CDK5RAP2: variants seen among roughly 807,000 people sequenced by gnomAD.
CDK5RAP2 encodes the protein CDK5 regulatory subunit associated protein 2.
Under a neutral mutation model 232.9 loss-of-function variants are expected in CDK5RAP2, and 147 were observed. The ratio of observed to expected loss-of-function variants is 0.63; its 90% CI spans 0.55 to 0.72. The LOEUF is 0.72. Among genes scored for constraint, CDK5RAP2 ranks in the 30% least tolerant of loss-of-function variants. The probability of loss-of-function intolerance (pLI) is 0.00; values close to 1 mark genes in which losing one functional copy is unlikely to be tolerated. For synonymous variants in CDK5RAP2, 833 were observed against 833.7 expected, an observed-to-expected ratio of 1.00 and a Z score of 0.01; for missense variants, 2,195 against 2,231.5, an observed-to-expected ratio of 0.98 and a Z score of 0.33.
Position 120,418,743 on chromosome 9 carries a change from C to T in CDK5RAP2, c.4177+1045G>A, listed in dbSNP as rs1338818606. Among the ~76,000 whole-genome samples, 6 of 152,162 alleles carry T rather than the reference C, an allele frequency of 3.9e-5. No individual in the cohort carries two copies. In the South Asian group the frequency reaches 8.3e-4, roughly 21 times the overall value. ...CGCTGCTGGAGGACCCCAGCTGATA[C>T]CTCAGTTACGCCAACAATGTGGACT... On this transcript the variant is annotated intron_variant, in intron 27 of 37. Coordinates refer to ENST00000349780, the MANE Select transcript of CDK5RAP2 (RefSeq NM_018249.6).
chr9:120,425,817 G>A (rs979690974), intron 25 of CDK5RAP2, among the ~76,000 whole-genome samples: 2 of 152,192 alleles, frequency 1.3e-5, no homozygotes, highest in African/African-American at 4.8e-5. Flanking sequence ...TCAGGTTCCT[G>A]TGCCAGACAC....
At chr9:120,417,409 C>T (rs2131356272) in intron 27 of CDK5RAP2, among the ~76,000 whole-genome samples, 2 of 152,386 alleles carry the variant, frequency 1.3e-5, no homozygotes, top group Middle Eastern at 6.8e-3. Context: ...CCTCCTTGCT[C>T]CTGCCTTGGT....
intron 19 of CDK5RAP2, among the ~76,000 whole-genome samples, chr9:120,459,104 CCTT>C (rs1456541360): frequency 1.3e-5 from 2 of 152,186 alleles, no homozygotes; most frequent in African/African-American, 2.4e-5. Flanking sequence ...AATGTATCCT[CCTT>C]ATTATATATC....
In CDK5RAP2 at chr9:120,579,975, T is replaced by C. The variant is rs2043183982; in HGVS notation, c.4A>G (p.Met2Val). Residue 2 changes from methionine (M) to valine (V), a missense_variant, in exon 1 of 38, where the codon ATG (methionine) becomes GTG (valine). By Grantham distance (21) the Met-to-Val change is conservative. Coordinates refer to ENST00000349780, the MANE Select transcript of CDK5RAP2 (RefSeq NM_018249.6). M[M>V]DLVLEEDVTV... ...ACGTCCTCTTCCAACACCAAGTCCATCATGGCTACAGAGGTGGCGACAGCG... is the reference window on the plus strand; with the variant it reads ...ACGTCCTCTTCCAACACCAAGTCCACCATGGCTACAGAGGTGGCGACAGCG... The C allele has an allele frequency of 2.5e-6, 4 of 1,609,922 alleles. No homozygotes were observed. The highest frequency in any genetic ancestry group is 3.4e-6 in the Non-Finnish European group (4 of 1,176,230).
chr9:120,562,901 T>C (rs148143303), intron 3 of CDK5RAP2, among the ~76,000 whole-genome samples: 2 of 152,298 alleles, frequency 1.3e-5, no homozygotes, highest in East Asian at 3.9e-4. Context: ...TTTGGAGCTT[T>C]AGTATTCCAT....
At chr9:120,432,833 G>A (rs567485865) in intron 25 of CDK5RAP2, among the ~76,000 whole-genome samples, 17 of 152,314 alleles carry the variant, frequency 1.1e-4, no homozygotes, top group African/African-American at 4.1e-4. Context: ...CACTTCCTAG[G>A]GCCTAGAGTG....
intron 11 of CDK5RAP2, among the ~76,000 whole-genome samples, chr9:120,518,965 AG>A (rs984699751): frequency 5.3e-5 from 8 of 152,086 alleles, no homozygotes; most frequent in African/African-American, 1.9e-4. Flanking sequence ...TCATGAGGTC[AG>A]GAGTTCAAGA....
At chr9:120,411,276 G>T in intron 29 of CDK5RAP2, 82 bp downstream of exon 29, 2 of 858,852 alleles carry the variant, frequency 2.3e-6, no homozygotes, top group Non-Finnish European at 4.1e-6. Flanking sequence ...ACTTAGGTTG[G>T]TCAGACTCCA....
intron 8 of CDK5RAP2, among the ~76,000 whole-genome samples, chr9:120,529,257 T>G (rs573468148): frequency 2.8e-4 from 42 of 152,342 alleles, no homozygotes; most frequent in Admixed American, 1.1e-3. Flanking sequence ...ACATACGACA[T>G]GCAGCAGCTA....
chr9:120,571,037 T>C (rs371890544), intron 2 of CDK5RAP2, among the ~76,000 whole-genome samples: 14 of 152,210 alleles, frequency 9.2e-5, no homozygotes, highest in African/African-American at 3.4e-4. Flanking sequence ...CACACGCCTG[T>C]AGTCCCAGAT....
At chr9:120,469,608 T>C (rs2037576036) in intron 17 of CDK5RAP2, among the ~76,000 whole-genome samples, 1 of 152,130 alleles carries the variant, frequency 6.6e-6, no homozygotes, top group Non-Finnish European at 1.5e-5. Context: ...ATCTTTCCAG[T>C]TTAAAAAAAG....
Position 120,527,893 on chromosome 9 carries a change from T to G in CDK5RAP2, c.912A>C (p.Arg304Ser). Residue 304 changes from arginine to serine, a missense_variant, in exon 10 of 38, where the codon AGA becomes AGC. Transcript: ENST00000349780. ...ALEEDLREKE[R>S]EIATEKKNSL... ...TATTTTTCTTCTCTGTAGCAATTTC[T>G]CTTTCCTTCTCTCTCAGGTCCTCTT... 6.2e-7 allele frequency: 1 copy of G among 1,613,956 alleles called. No homozygotes were observed. Among genetic ancestry groups the G allele is most frequent in the African/African-American group, 1.3e-5 (1 of 75,074 alleles).
intron 14 of CDK5RAP2, among the ~76,000 whole-genome samples, chr9:120,481,803 G>A (rs1271487465): frequency 6.6e-6 from 1 of 152,104 alleles, no homozygotes; most frequent in African/African-American, 2.4e-5. Flanking sequence ...GTGAGCCACC[G>A]TGCCGGGCCT....
At chr9:120,499,441 G>T (rs1409931328) in intron 12 of CDK5RAP2, among the ~76,000 whole-genome samples, 1 of 151,960 alleles carries the variant, frequency 6.6e-6, no homozygotes, top group Non-Finnish European at 1.5e-5. Context: ...CAGAACACAT[G>T]ATTATAGATG....
intron 22 of CDK5RAP2, among the ~76,000 whole-genome samples, chr9:120,446,616 CTAGA>C (rs2036208188): frequency 1.1e-4 from 17 of 152,234 alleles, no homozygotes; most frequent in Non-Finnish European, 7.4e-5. Context: ...TAAAAGAGTC[CTAGA>C]ATGGCCTTTG....
intron 5 of CDK5RAP2, among the ~76,000 whole-genome samples, 159 bp from the exon 6 acceptor site, chr9:120,539,323 A>G (rs2041530328): frequency 6.6e-6 from 1 of 152,238 alleles, no homozygotes; most frequent in African/African-American, 2.4e-5. Context: ...AAAAACACAG[A>G]TAAGAAAAAA....
intron 28 of CDK5RAP2, among the ~76,000 whole-genome samples, chr9:120,413,393 A>G (rs2033971020): frequency 6.6e-6 from 1 of 152,254 alleles, no homozygotes; most frequent in Non-Finnish European, 1.5e-5. Context: ...TACCTTTCTC[A>G]GGCCTGCTCC....
chr9:120,468,534 C>T (rs945544890), intron 17 of CDK5RAP2, among the ~76,000 whole-genome samples: 1 of 152,248 alleles, frequency 6.6e-6, no homozygotes, highest in South Asian at 2.1e-4. Flanking sequence ...TACTAAAATA[C>T]TCCTACAAGC....
At chr9:120,440,067 G>A in intron 23 of CDK5RAP2, 95 bp from the exon 24 acceptor site, 2 of 1,072,272 alleles carry the variant, frequency 1.9e-6, no homozygotes, top group South Asian at 2.6e-5. Flanking sequence ...GACCACTGCA[G>A]TGACCTAACA....
Sources: gnomAD v4.1 joint callset for allele counts (sites outside exome capture counted in the v4.1 genomes callset) on GRCh38, gnomAD v4.1.1 for gene constraint, MANE v1.5 for transcripts, NCBI Gene and HGNC (gene_info 2026-07-23, HGNC 2026-07-21) for gene names.